The following ABHD16A variants were observed in gnomAD, a reference collection of about 807,000 sequenced individuals.
ABHD16A encodes the protein abhydrolase domain containing 16A, phospholipase, also known as phosphatidylserine lipase ABHD16A.
Under a neutral mutation model 89.8 loss-of-function variants are expected in ABHD16A, and 47 were observed. The observed-to-expected ratio is 0.52, with a 90% CI of 0.41 to 0.67. The LOEUF is 0.67. Among genes scored for constraint, ABHD16A ranks in the 30% least tolerant of loss-of-function variants. The pLI is 0.00. For missense variants in ABHD16A, 580 were observed against 734.6 expected, an observed-to-expected ratio of 0.79 and a Z score of 2.43; for synonymous variants, 251 against 280.4, an observed-to-expected ratio of 0.90 and a Z score of 1.05.
chr6:31,687,334 TG>T lies in ABHD16A; in HGVS notation c.1594-40del, dbSNP rs775942804. 5 of 1,607,704 alleles carry T rather than the reference TG, an allele frequency of 3.1e-6. No homozygotes were observed. Among genetic ancestry groups the T allele is most frequent in the Non-Finnish European group, 4.3e-6 (5 of 1,175,632 alleles). ...GTGGGACAGGTGGGGTACAGAGCAC[TG>T]TTGGGAGGGGCAGCCACTGGACTCC... On this transcript the variant is annotated intron_variant, in intron 19 of 19. Transcript: ENST00000395952. The surrounding 1 kb of genome is among the most constrained non-coding windows in gnomAD (Gnocchi z 6.3).
chr6:31,695,969 T>C (rs1804348690), intron 5 of ABHD16A, among the ~76,000 whole-genome samples: 1 of 150,590 alleles, frequency 6.6e-6, no homozygotes, highest in Non-Finnish European at 1.5e-5. Flanking sequence ...ATCAAGACCA[T>C]CCTGGCTAAC....
At chr6:31,689,553 C>T in intron 12 of ABHD16A, 28 bp downstream of exon 12, 8 of 1,557,394 alleles carry the variant, frequency 5.1e-6, no homozygotes, top group Non-Finnish European at 6.9e-6. Flanking sequence ...AATGTGTCTA[C>T]AGTGGGGGAT....
rs766679591 is a variant in ABHD16A, at chr6:31,687,250, G to A, written c.1639C>T (p.Leu547Phe). The A allele has an allele frequency of 1.2e-6, 2 of 1,612,872 alleles. No individual in the cohort carries two copies. The highest frequency in any genetic ancestry group is 2.2e-5 in the South Asian group (2 of 91,076). The change falls in exon 20 of 20, where the codon CTC becomes TTC. Residue 547 changes from leucine (L) to phenylalanine (F), a missense_variant. Leu to Phe is a conservative substitution (Grantham distance 22). Coordinates refer to ENST00000395952, the MANE Select transcript of ABHD16A (RefSeq NM_021160.3). This position sits in a 1 kb window ranked among gnomAD's most constrained non-coding sequence, Gnocchi z 6.3. ...HNFEATHCTP[L>F]PAQNFQMPWH... Reference sequence around the variant, plus strand: ...GGCATCTGGAAGTTCTGGGCTGGGAGTGGGGTGCAGTGAGTGGCCTCAAAG... The same window carrying A: ...GGCATCTGGAAGTTCTGGGCTGGGAATGGGGTGCAGTGAGTGGCCTCAAAG...
chr6:31,699,223 G>A (rs1171725416), intron 4 of ABHD16A, among the ~76,000 whole-genome samples: 5 of 151,896 alleles, frequency 3.3e-5, no homozygotes, highest in African/African-American at 4.8e-5. Flanking sequence ...TGGCTAACAC[G>A]GTGAAACCCC....
rs181532049 is a variant in ABHD16A at position 31,688,430 on chromosome 6, C to T, written c.1251-125G>A. The T allele has an allele frequency of 3.3e-4, 344 of 1,027,458 alleles. 3 individuals carry two copies. In the East Asian group the frequency reaches 7.8e-3, roughly 23 times the overall value. 63.6% of individuals were successfully genotyped at this position (1,027,458 alleles called of 1,614,324 possible). A position where few individuals can be genotyped will look rare whatever the true frequency, so the allele number is the denominator to read the frequency against. On this transcript the variant is annotated intron_variant, in intron 14 of 19. Transcript: ENST00000395952. The surrounding 1 kb of genome is among the most constrained non-coding windows in gnomAD (Gnocchi z 4.9). Reference sequence around the variant, plus strand: ...TGCTATAGCACAGCCCTTGACCTAGCCCTTCACTCAGGGGTGAGAGGGGAT... The same window carrying T: ...TGCTATAGCACAGCCCTTGACCTAGTCCTTCACTCAGGGGTGAGAGGGGAT...
In ABHD16A at chr6:31,698,408, A is replaced by T. The variant is rs779523640; in HGVS notation, c.344-1375T>A. ...AAGCAAATATCACAAAACTATATAT[A>T]AAAAAAAAATCACAAAACTATACAT... On this transcript the variant is annotated intron_variant, in intron 4 of 19. Coordinates refer to ENST00000395952, the MANE Select transcript of ABHD16A (RefSeq NM_021160.3). The surrounding 1 kb of genome is among the most constrained non-coding windows in gnomAD (Gnocchi z 4.1). Among the ~76,000 whole-genome samples, 4 of 134,990 alleles carry T rather than the reference A, an allele frequency of 3.0e-5. No individual in the cohort carries two copies. Among genetic ancestry groups the T allele is most frequent in the Admixed American group, 7.3e-5 (1 of 13,686 alleles). The allele number at this position is 134,990 out of a possible 152,430, so 88.6% of individuals were successfully genotyped here. A position where few individuals can be genotyped will look rare whatever the true frequency, so the allele number is the denominator to read the frequency against.
At chr6:31,691,705 A>C in intron 8 of ABHD16A, 25 bp from the exon 9 acceptor site, 1 of 1,398,940 alleles carries the variant, frequency 7.1e-7, no homozygotes. Flanking sequence ...CGCAATGGCC[A>C]AGATGCAAGG....
intron 1 of ABHD16A, chr6:31,702,801 CT>C (rs1486027161): frequency 7.0e-7 from 1 of 1,430,002 alleles, no homozygotes. Flanking sequence ...AACTGGGAGT[CT>C]GACAGCAAAA....
intron 12 of ABHD16A, 66 bp downstream of exon 12, chr6:31,689,515 C>T (rs1363329884): frequency 1.4e-6 from 2 of 1,465,308 alleles, no homozygotes; most frequent in Non-Finnish European, 1.8e-6. Context: ...ATTTCCCCAC[C>T]TCTCCCGGGT....
intron 2 of ABHD16A, 126 bp downstream of exon 2, chr6:31,701,948 T>A (rs922026155): frequency 1.0e-6 from 1 of 966,830 alleles, no homozygotes; most frequent in African/African-American, 1.6e-5. Flanking sequence ...GTTGGAGAGG[T>A]CTGCTGCAGA....
chr6:31,690,313 T>C lies in ABHD16A; in HGVS notation c.908-186A>G. The C allele has an allele frequency of 1.5e-6, 1 of 673,910 alleles. No individual in the cohort carries two copies. The highest frequency in any genetic ancestry group is 2.7e-5 in the East Asian group (1 of 36,562). 41.7% of individuals were successfully genotyped at this position (673,910 alleles called of 1,614,324 possible). ...GAGCAGCATGTGATTGTGTGGGGTG[T>C]GTGGTGGGGGAATGGAACAGAATGA... is the stretch of plus-strand genomic sequence containing the variant. On this transcript the variant is annotated intron_variant, in intron 10 of 19. Coordinates refer to ENST00000395952, the MANE Select transcript of ABHD16A (RefSeq NM_021160.3). This position sits in a 1 kb window ranked among gnomAD's most constrained non-coding sequence, Gnocchi z 4.1.
At chr6:31,697,378 T>C (rs1039738503) in intron 4 of ABHD16A, among the ~76,000 whole-genome samples, 1 of 152,190 alleles carries the variant, frequency 6.6e-6, no homozygotes, top group African/African-American at 2.4e-5. Flanking sequence ...AATACTATTC[T>C]CCCTTGCGAA....
chr6:31,696,883 T>A, intron 5 of ABHD16A, 65 bp downstream of exon 5: 8 of 1,477,486 alleles, frequency 5.4e-6, no homozygotes, highest in South Asian at 1.1e-5. Context: ...TGTCTGGTGC[T>A]CTGAGGGACA....
chr6:31,687,686 C>T lies in ABHD16A; in HGVS notation c.1502G>A (p.Arg501His), dbSNP rs1271413764. 6 of 1,612,872 alleles carry T rather than the reference C, an allele frequency of 3.7e-6. No individual in the cohort carries two copies. Among genetic ancestry groups the T allele is most frequent in the East Asian group, 2.2e-5 (1 of 44,874 alleles). ...VEEDWCLSVL[R>H]SYQAEHGPDF... ...GGGCCCGTGTTCTGCCTGGTAGGAG[C>T]GGAGGACAGACAGACACCAGTCCTC... The change falls in exon 18 of 20, where the codon CGC (arginine) becomes CAC (histidine). Residue 501 changes from arginine (R) to histidine (H), a missense_variant. Physicochemically the swap from Arg to His is conservative, Grantham distance 29. Transcript: ENST00000395952. The surrounding 1 kb of genome is among the most constrained non-coding windows in gnomAD (Gnocchi z 6.3).
Position 31,690,683 on chromosome 6 carries a change from G to T in ABHD16A, c.844-81C>A. ...CCTTTGGGCAGGGAGGGCAGCCCAT[G>T]AAGAGCTTTGCAGGGAAGAGGAAAG... On this transcript the variant is annotated intron_variant, in intron 9 of 19. Coordinates refer to ENST00000395952, the MANE Select transcript of ABHD16A (RefSeq NM_021160.3). This position sits in a 1 kb window ranked among gnomAD's most constrained non-coding sequence, Gnocchi z 4.1. 7.8e-7 allele frequency: 1 copy of T among 1,290,210 alleles called. No individual in the cohort carries two copies. The highest frequency in any genetic ancestry group is 1.1e-6 in the Non-Finnish European group (1 of 887,924). 79.9% of individuals were successfully genotyped at this position (1,290,210 alleles called of 1,614,324 possible).
chr6:31,689,072 C>A lies in ABHD16A; in HGVS notation c.1129G>T (p.Asp377Tyr). 6.2e-7 allele frequency: 1 copy of A among 1,614,044 alleles called. No individual in the cohort carries two copies. Among genetic ancestry groups the A allele is most frequent in the Non-Finnish European group, 8.5e-7 (1 of 1,179,976 alleles). Residue 377 changes from aspartate to tyrosine, a missense_variant, in exon 13 of 20, where the codon GAT (aspartate) becomes TAT (tyrosine). Physicochemically the swap from Asp to Tyr is radical, Grantham distance 160 (BLOSUM62 -3). Transcript: ENST00000395952. Reference protein sequence around the residue: ...SYPDVSAMILDASFDDLVPLA... With the variant: ...SYPDVSAMILYASFDDLVPLA... ...GGCACCAGGTCATCAAAGGAGGCAT[C>A]CAGGATCATGGCACTAACATCTGGG...
Position 31,691,839 on chromosome 6 carries a change from C to T in ABHD16A, c.706G>A (p.Val236Met). ...AGTCGGGCCTGGCCCTGCAGCAGCA[C>T]AGGCATGAGGGCCTTCTGCAGCAGG... ...VYLLQKALMP[V>M]LLQGQARLVE... The change falls in exon 8 of 20, where the codon GTG becomes ATG. Residue 236 changes from valine (V) to methionine (M), a missense_variant. Val to Met is a conservative substitution (Grantham distance 21). This residue lies in a region of ABHD16A where 415 missense variants were observed against 568.8 expected (regional missense o/e 0.73). Transcript: ENST00000395952. 1 of 1,611,616 alleles carries T rather than the reference C, an allele frequency of 6.2e-7. No homozygotes were observed. Among genetic ancestry groups the T allele is most frequent in the Non-Finnish European group, 8.5e-7 (1 of 1,179,624 alleles).
Position 31,688,809 on chromosome 6 carries a change from G to T in ABHD16A, c.1187-23C>A. On this transcript the variant is annotated intron_variant, in intron 13 of 19. Coordinates refer to ENST00000395952, the MANE Select transcript of ABHD16A (RefSeq NM_021160.3). This position sits in a 1 kb window ranked among gnomAD's most constrained non-coding sequence, Gnocchi z 4.9. The stretch of plus-strand genomic sequence containing the variant: ...CCCCTAGAGTGGGATAAAGGTGAAG[G>T]GATGGCAGAGACAAAGCCCTTGCCC... 11 of 1,609,588 alleles carry T rather than the reference G, an allele frequency of 6.8e-6. No homozygotes were observed. Among genetic ancestry groups the T allele is most frequent in the Non-Finnish European group, 8.5e-6 (10 of 1,177,322 alleles).
chr6:31,689,845 T>G, intron 11 of ABHD16A, 141 bp from the exon 12 acceptor site: 3 of 1,318,614 alleles, frequency 2.3e-6, no homozygotes, highest in Non-Finnish European at 3.1e-6. Flanking sequence ...GAGGTTGTTC[T>G]CTCCAGAAGA....
Sources: gnomAD v4.1 joint callset for allele counts (sites outside exome capture counted in the v4.1 genomes callset) on GRCh38, gnomAD v4.1.1 for gene constraint, gnomAD v4.1.1 regional missense constraint, Gnocchi (gnomAD v3.1) non-coding constraint, MANE v1.5 for transcripts, NCBI Gene and HGNC (gene_info 2026-07-23, HGNC 2026-07-21) for gene names.